NPTX2: variants seen among roughly 807,000 people sequenced by gnomAD.
NPTX2 encodes the protein neuronal pentraxin 2, also known as neuronal pentraxin-2.
NPTX2 carries 23 observed loss-of-function variants against 38.1 expected under a neutral mutation model. That is an observed-to-expected ratio of 0.60 (90% CI 0.43 to 0.85). The LOEUF is 0.85. Ranked by LOEUF, NPTX2 falls within the 40% of genes least tolerant of loss-of-function variation. NPTX2 has a pLI of 0.00. For synonymous variants in NPTX2, 291 were observed against 287.3 expected (o/e 1.01, Z -0.13); for missense variants, 553 against 615.3 (o/e 0.90, Z 1.07).
intron 2 of NPTX2, among the ~76,000 whole-genome samples, chr7:98,620,501 T>C (rs1386016112): frequency 1.3e-5 from 2 of 152,198 alleles, no homozygotes; most frequent in Admixed American, 6.5e-5. Flanking sequence ...TTCATCCCTT[T>C]CCTAGTCTCT....
At chr7:98,625,790 C>T (rs1184480652) in intron 3 of NPTX2, among the ~76,000 whole-genome samples, 1 of 151,942 alleles carries the variant, frequency 6.6e-6, no homozygotes, top group Admixed American at 6.6e-5. Context: ...TACCCATGGT[C>T]TTGCCTTTTC....
rs139292298 is a variant in NPTX2, at chr7:98,625,023, G to C, written c.745G>C (p.Ala249Pro). The C allele has an allele frequency of 6.2e-7, 1 of 1,613,840 alleles. No individual in the cohort carries two copies. Among genetic ancestry groups the C allele is most frequent in the Admixed American group, 1.7e-5 (1 of 60,022 alleles). The change falls in exon 3 of 5, where the codon GCC becomes CCC. Residue 249 changes from alanine (A) to proline (P), a missense_variant. Physicochemically the swap from Ala to Pro is conservative, Grantham distance 27. Transcript: ENST00000265634. ...KIKKTLPELY[A>P]FTICLWLRSS... ...CAAGAAGACGCTGCCTGAGCTGTAC[G>C]CCTTCACCATCTGCCTGTGGCTGCG...
intron 2 of NPTX2, among the ~76,000 whole-genome samples, chr7:98,622,685 A>T (rs1791288921): frequency 1.3e-5 from 2 of 152,184 alleles, no homozygotes. Context: ...CAGCCTAATG[A>T]GAGACTAGTC....
Position 98,628,907 on chromosome 7 carries a change from G to GT in NPTX2, c.*279dup. 1 of 338,538 alleles carries GT rather than the reference G, an allele frequency of 3.0e-6. No homozygotes were observed. Among genetic ancestry groups the GT allele is most frequent in the Non-Finnish European group, 5.4e-6 (1 of 186,250 alleles). The allele number at this position is 338,538 out of a possible 1,614,324, so 21.0% of individuals were successfully genotyped here. On this transcript the variant is annotated 3_prime_UTR_variant, in exon 5 of 5. Transcript: ENST00000265634. ...GTGGATATCTGCCTTCCTGCTGCAAGTGGAGGCAGGTCCAGCAGCCCCTCT... is the reference window on the plus strand; with the variant it reads ...GTGGATATCTGCCTTCCTGCTGCAAGTTGGAGGCAGGTCCAGCAGCCCCTCT...
intron 1 of NPTX2, among the ~76,000 whole-genome samples, 181 bp downstream of exon 1, chr7:98,618,068 G>A (rs1004140224): frequency 1.3e-5 from 2 of 152,196 alleles, no homozygotes; most frequent in Non-Finnish European, 2.9e-5. Flanking sequence ...ACTCCCCTGC[G>A]TGGTATCCCT....
chr7:98,618,166 C>G (rs1054027894), intron 1 of NPTX2, among the ~76,000 whole-genome samples: 3 of 152,200 alleles, frequency 2.0e-5, no homozygotes, highest in African/African-American at 7.2e-5. Context: ...GAGCACTTCC[C>G]GAGGTCCGGG....
rs1791185613 is a variant in NPTX2 at position 98,617,431 on chromosome 7, A to G, written c.-31A>G. 1.2e-6 allele frequency: 1 copy of G among 817,082 alleles called. No homozygotes were observed. 50.6% of individuals were successfully genotyped at this position (817,082 alleles called of 1,614,324 possible). A position where few individuals can be genotyped will look rare whatever the true frequency, so the allele number is the denominator to read the frequency against. On this transcript the variant is annotated 5_prime_UTR_variant, in exon 1 of 5. It removes an upstream start codon present in the reference 5' UTR. Transcript: ENST00000265634. ...GCGCCCCGACGGCGCCCGCTCGCCC[A>G]TGCCGAGCTGAGCGCGGCAGCGGCG...
chr7:98,626,672 G>A (rs1021975419), intron 3 of NPTX2, among the ~76,000 whole-genome samples: 7 of 152,148 alleles, frequency 4.6e-5, no homozygotes, highest in African/African-American at 1.4e-4. Flanking sequence ...CAGTGGCAGC[G>A]TCCTCCCCCC....
chr7:98,617,866 G>C lies in NPTX2; in HGVS notation c.405G>C (p.Lys135Asn). 1 of 1,557,412 alleles carries C rather than the reference G, an allele frequency of 6.4e-7. No individual in the cohort carries two copies. Among genetic ancestry groups the C allele is most frequent in the Non-Finnish European group, 8.6e-7 (1 of 1,159,914 alleles). ...TCAGCCGCTCGCTGCAGACCCTCAAGGACCGCCTGGAGAGCCTCGAGGTAG... is the reference window on the plus strand; with the variant it reads ...TCAGCCGCTCGCTGCAGACCCTCAACGACCGCCTGGAGAGCCTCGAGGTAG... ...EQLSRSLQTLKDRLESLEHQL... is the reference protein window; with the variant it reads ...EQLSRSLQTLNDRLESLEHQL... The change falls in exon 1 of 5, where the codon AAG (lysine) becomes AAC (asparagine). Residue 135 changes from lysine (K) to asparagine (N), a missense_variant. By Grantham distance (94) the Lys-to-Asn change is moderately conservative. Transcript: ENST00000265634.
chr7:98,627,284 G>C lies in NPTX2; in HGVS notation c.1008G>C (p.Glu336Asp), dbSNP rs113547096. The C allele has an allele frequency of 3.1e-6, 5 of 1,613,946 alleles. No individual in the cohort carries two copies. Among genetic ancestry groups the C allele is most frequent in the Admixed American group, 1.7e-5 (1 of 60,032 alleles). The change falls in exon 4 of 5, where the codon GAG becomes GAC. Residue 336 changes from glutamate to aspartate, a missense_variant. By Grantham distance (45) the Glu-to-Asp change is conservative. Transcript: ENST00000265634. ...ACGGAGAGAAGCTGGGCACTGGGGA[G>C]AACCTGGCCCCCTGGCACCCCATCA... ...FQDGEKLGTG[E>D]NLAPWHPIKP...
chr7:98,624,292 T>G (rs1015733146), intron 2 of NPTX2, among the ~76,000 whole-genome samples: 2 of 152,146 alleles, frequency 1.3e-5, no homozygotes, highest in South Asian at 2.1e-4. Context: ...AGGGTCTTGC[T>G]ATGTTGCACA....
At chr7:98,622,166 C>T (rs1047710787) in intron 2 of NPTX2, among the ~76,000 whole-genome samples, 8 of 152,220 alleles carry the variant, frequency 5.3e-5, no homozygotes, top group African/African-American at 1.9e-4. Context: ...CCAGGCTGCC[C>T]ACCCCCTGCT....
At chr7:98,620,581 A>T (rs1218628210) in intron 2 of NPTX2, among the ~76,000 whole-genome samples, 1 of 152,016 alleles carries the variant, frequency 6.6e-6, no homozygotes, top group African/African-American at 2.4e-5. Context: ...TACCTGTTAG[A>T]TCTGTTAGAT....
chr7:98,625,270 G>A, intron 3 of NPTX2, 104 bp downstream of exon 3: 1 of 1,435,128 alleles, frequency 7.0e-7, no homozygotes, highest in Non-Finnish European at 9.4e-7. Context: ...CCACACAGCA[G>A]TGTCCCAGAC....
chr7:98,621,777 G>A (rs1396374304), intron 2 of NPTX2, among the ~76,000 whole-genome samples: 2 of 152,202 alleles, frequency 1.3e-5, no homozygotes, highest in Non-Finnish European at 2.9e-5. Flanking sequence ...ACATGACCTT[G>A]CAAGGTAGGG....
At chr7:98,623,067 G>A (rs1584141951) in intron 2 of NPTX2, among the ~76,000 whole-genome samples, 1 of 152,328 alleles carries the variant, frequency 6.6e-6, no homozygotes, top group East Asian at 1.9e-4. Context: ...TCTGGCTCAT[G>A]TTGTGCAGTA....
Position 98,628,387 on chromosome 7 carries a change from G to A in NPTX2, c.1069-15G>A, listed in dbSNP as rs1246271582. 6.4e-6 allele frequency: 9 copies of A among 1,406,140 alleles called. No homozygotes were observed. The highest frequency in any genetic ancestry group is 1.2e-5 in the South Asian group (1 of 83,192). 87.1% of individuals were successfully genotyped at this position (1,406,140 alleles called of 1,614,324 possible). On this transcript the variant is annotated splice_polypyrimidine_tract_variant and intron_variant, in intron 4 of 4. Coordinates refer to ENST00000265634, the MANE Select transcript of NPTX2 (RefSeq NM_002523.3). ...GAACCAGCCCTGACGCAGCTCTCTT[G>A]TTCCCATTCCCCAGGACACCGTGGG...
intron 1 of NPTX2, among the ~76,000 whole-genome samples, chr7:98,618,584 C>G (rs1791218749): frequency 3.1e-5 from 2 of 63,610 alleles, no homozygotes; most frequent in Non-Finnish European, 3.1e-5. Flanking sequence ...CCCTCCCCCC[C>G]TCCCCCTCCG....
At position 98,624,958 on chromosome 7, in the gene NPTX2, T is replaced by C; in HGVS notation, c.680T>C (p.Val227Ala). 6.2e-7 allele frequency: 1 copy of C among 1,613,664 alleles called. No homozygotes were observed. Among genetic ancestry groups the C allele is most frequent in the Non-Finnish European group, 8.5e-7 (1 of 1,179,892 alleles). ...SAFKSPDAFK[V>A]SLPLRTNYLY... The stretch of plus-strand genomic sequence containing the variant: ...TTTAAGTCACCAGATGCGTTCAAGG[T>C]GTCCCTCCCACTCCGCACAAACTAC... The change falls in exon 3 of 5, where the codon GTG (valine) becomes GCG (alanine). Residue 227 changes from valine (V) to alanine (A), a missense_variant. By Grantham distance (64) the Val-to-Ala change is moderately conservative (BLOSUM62 0). Transcript: ENST00000265634.
Sources: gnomAD v4.1 joint callset for allele counts (sites outside exome capture counted in the v4.1 genomes callset) on GRCh38, gnomAD v4.1.1 for gene constraint, MANE v1.5 for transcripts, NCBI Gene and HGNC (gene_info 2026-07-23, HGNC 2026-07-21) for gene names.